Variants in CDH18 observed in about 807,000 individuals in gnomAD.
The protein encoded by CDH18 is cadherin-18.
CDH18 carries 31 observed loss-of-function variants against 67.9 expected under a neutral mutation model. The ratio of observed to expected loss-of-function variants is 0.46; its 90% CI spans 0.34 to 0.62. The LOEUF (loss-of-function observed/expected upper bound fraction) is 0.62, where lower values mean the gene tolerates loss of function less well. CDH18 is among the 20% of genes least tolerant of loss of function. The pLI is 0.01. For missense variants in CDH18, 890 were observed against 975.5 expected (o/e 0.91, Z 1.17); for synonymous variants, 362 against 347.2 (o/e 1.04, Z -0.48).
intron 2 of CDH18, among the ~76,000 whole-genome samples, chr5:20,246,944 T>C (rs1039330412): frequency 6.6e-6 from 1 of 152,154 alleles, no homozygotes; most frequent in African/African-American, 2.4e-5. Context: ...CAACATCCCA[T>C]GATAGGTTAA....
intron 2 of CDH18, among the ~76,000 whole-genome samples, chr5:19,977,673 A>C (rs1798625014): frequency 6.6e-6 from 1 of 151,652 alleles, no homozygotes; most frequent in African/African-American, 2.4e-5. Flanking sequence ...AAATTTAATT[A>C]ATTTGCCTTA....
At chr5:20,429,522 A>C (rs1748576832) in intron 1 of CDH18, among the ~76,000 whole-genome samples, 1 of 152,286 alleles carries the variant, frequency 6.6e-6, no homozygotes, top group African/African-American at 2.4e-5. Context: ...TCTGGACTGA[A>C]TAAGTGTTTT....
At chr5:19,956,508 G>A (rs923253956) in intron 2 of CDH18, among the ~76,000 whole-genome samples, 1 of 151,664 alleles carries the variant, frequency 6.6e-6, no homozygotes, top group African/African-American at 2.4e-5. Flanking sequence ...ATAATTTTCT[G>A]TACAGGATTG....
intron 2 of CDH18, among the ~76,000 whole-genome samples, chr5:19,884,705 T>C (rs1347789378): frequency 6.6e-6 from 1 of 151,998 alleles, no homozygotes; most frequent in Non-Finnish European, 1.5e-5. Context: ...TTAAAAAAAG[T>C]ATTGGTGTGA....
chr5:20,454,246 C>T (rs1430040490), intron 1 of CDH18, among the ~76,000 whole-genome samples: 1 of 152,050 alleles, frequency 6.6e-6, no homozygotes, highest in East Asian at 1.9e-4. Context: ...ATAGATTCAA[C>T]TTTGGTTTTG....
intron 2 of CDH18, among the ~76,000 whole-genome samples, chr5:20,082,315 T>G (rs191199930): frequency 6.6e-6 from 1 of 152,186 alleles, no homozygotes; most frequent in Non-Finnish European, 1.5e-5. Context: ...CCGCAAGTAG[T>G]ATTAGCTTGG....
intron 1 of CDH18, among the ~76,000 whole-genome samples, chr5:20,538,257 G>T (rs1756839985): frequency 6.6e-6 from 1 of 152,124 alleles, no homozygotes; most frequent in East Asian, 1.9e-4. Context: ...TGGGCAGGGT[G>T]TAAGAATTGC....
chr5:20,223,082 C>T (rs773007473), intron 2 of CDH18, among the ~76,000 whole-genome samples: 3 of 151,856 alleles, frequency 2.0e-5, no homozygotes, highest in Non-Finnish European at 4.4e-5. Flanking sequence ...AAATATTTAT[C>T]ATGTCATTTC....
chr5:20,514,573 G>C (rs10057867), intron 1 of CDH18, among the ~76,000 whole-genome samples: 1 of 152,016 alleles, frequency 6.6e-6, no homozygotes, highest in Non-Finnish European at 1.5e-5. Flanking sequence ...TACATGAGCT[G>C]ATTGTAGTAG....
intron 8 of CDH18, among the ~76,000 whole-genome samples, chr5:19,557,316 G>A (rs191119179): frequency 1.4e-3 from 206 of 152,052 alleles, no homozygotes; most frequent in African/African-American, 4.3e-3. Context: ...GTAAATGGCC[G>A]AAATGCTGCA....
intron 1 of CDH18, among the ~76,000 whole-genome samples, chr5:20,375,084 A>G (rs2150090388): frequency 6.6e-6 from 1 of 152,302 alleles, no homozygotes; most frequent in Non-Finnish European, 1.5e-5. Flanking sequence ...GTGCATGTCA[A>G]ATGTCTCACT....
At chr5:20,434,440 G>A (rs940983514) in intron 1 of CDH18, among the ~76,000 whole-genome samples, 3 of 151,976 alleles carry the variant, frequency 2.0e-5, no homozygotes, top group African/African-American at 7.2e-5. Flanking sequence ...ATAAGTAAAT[G>A]AAATTATGAC....
At chr5:20,206,562 T>C (rs1483729603) in intron 2 of CDH18, among the ~76,000 whole-genome samples, 2 of 151,938 alleles carry the variant, frequency 1.3e-5, no homozygotes, top group Admixed American at 6.6e-5. Context: ...TACTGGTGAA[T>C]ACATATGTCA....
intron 1 of CDH18, among the ~76,000 whole-genome samples, chr5:20,402,701 C>A (rs911885886): frequency 6.6e-6 from 1 of 152,094 alleles, no homozygotes; most frequent in African/African-American, 2.4e-5. Context: ...CTTTTCGCTG[C>A]AAAGGGCCTT....
At chr5:19,755,557 A>T (rs201102444) in intron 3 of CDH18, among the ~76,000 whole-genome samples, 1 of 131,570 alleles carries the variant, frequency 7.6e-6, no homozygotes, top group African/African-American at 2.6e-5. Flanking sequence ...TATATATTTT[A>T]TATATAATAA....
intron 1 of CDH18, among the ~76,000 whole-genome samples, chr5:20,428,619 T>C (rs560874026): frequency 1.3e-5 from 2 of 152,334 alleles, no homozygotes; most frequent in African/African-American, 4.8e-5. Context: ...TTTCCTGACT[T>C]TTTGATAATT....
At chr5:19,838,049 G>C (rs576046667) in intron 3 of CDH18, among the ~76,000 whole-genome samples, 3 of 152,010 alleles carry the variant, frequency 2.0e-5, no homozygotes, top group Non-Finnish European at 4.4e-5. Flanking sequence ...TTAAGTTTTC[G>C]TGTCTGCATT....
At chr5:19,484,047 G>T (rs1410453933) in intron 11 of CDH18, among the ~76,000 whole-genome samples, 1 of 152,162 alleles carries the variant, frequency 6.6e-6, no homozygotes, top group Non-Finnish European at 1.5e-5. Context: ...GGAGACAGTA[G>T]ATCAAGCAAC....
intron 2 of CDH18, among the ~76,000 whole-genome samples, chr5:19,890,956 T>C (rs1403653969): frequency 2.0e-5 from 3 of 152,188 alleles, no homozygotes; most frequent in African/African-American, 7.2e-5. Context: ...GAAGATTTAG[T>C]TACATAATAG....
Sources: gnomAD v4.1 joint callset for allele counts (sites outside exome capture counted in the v4.1 genomes callset) on GRCh38, gnomAD v4.1.1 for gene constraint, MANE v1.5 for transcripts, NCBI Gene and HGNC (gene_info 2026-07-23, HGNC 2026-07-21) for gene names.